Variants in DNER observed in about 807,000 individuals in gnomAD.
DNER encodes the protein delta/notch like EGF repeat containing, also known as delta and Notch-like epidermal growth factor-related receptor.
Under a neutral mutation model 78.2 loss-of-function variants are expected in DNER, and 33 were observed. The observed-to-expected ratio is 0.42, with a 90% CI of 0.32 to 0.56. The LOEUF (loss-of-function observed/expected upper bound fraction) is 0.56, where lower values mean the gene tolerates loss of function less well. Ranked by LOEUF, DNER falls within the 20% of genes least tolerant of loss-of-function variation. The pLI is 0.11. For synonymous variants in DNER, 417 were observed against 384.8 expected, an observed-to-expected ratio of 1.08 and a Z score of -0.98; for missense variants, 918 against 975.3, an observed-to-expected ratio of 0.94 and a Z score of 0.78.
intron 11 of DNER, among the ~76,000 whole-genome samples, chr2:229,368,553 A>G (rs1057249770): frequency 6.6e-6 from 1 of 152,268 alleles, no homozygotes; most frequent in African/African-American, 2.4e-5. Context: ...AACAGGATCT[A>G]CTTGGACAGT....
At chr2:229,403,436 C>T (rs781117961) in intron 10 of DNER, among the ~76,000 whole-genome samples, 18 of 152,164 alleles carry the variant, frequency 1.2e-4, no homozygotes, top group Non-Finnish European at 1.8e-4. Context: ...TGAATCTGCA[C>T]GTGGGATGTA....
At chr2:229,675,061 A>G (rs921129037) in intron 1 of DNER, among the ~76,000 whole-genome samples, 1 of 152,228 alleles carries the variant, frequency 6.6e-6, no homozygotes, top group Non-Finnish European at 1.5e-5. Flanking sequence ...CAGGCAGTGT[A>G]TCTGGGGACT....
chr2:229,428,014 G>T (rs1693918465), intron 8 of DNER, among the ~76,000 whole-genome samples: 1 of 149,920 alleles, frequency 6.7e-6, no homozygotes, highest in Non-Finnish European at 1.5e-5. Flanking sequence ...GGCAGAGGTT[G>T]CAGTGAGCTG....
intron 8 of DNER, among the ~76,000 whole-genome samples, chr2:229,423,488 G>A (rs566998733): frequency 1.1e-4 from 16 of 151,686 alleles, no homozygotes; most frequent in Non-Finnish European, 2.1e-4. Flanking sequence ...GGTGGTGGGC[G>A]CCTGTAATCC....
intron 6 of DNER, among the ~76,000 whole-genome samples, chr2:229,493,743 C>A (rs1419763765): frequency 1.3e-5 from 2 of 152,194 alleles, no homozygotes; most frequent in African/African-American, 4.8e-5. Context: ...TATGGATTGA[C>A]AACTGATCAG....
intron 4 of DNER, among the ~76,000 whole-genome samples, chr2:229,547,918 C>A (rs554500920): frequency 2.0e-5 from 3 of 152,266 alleles, no homozygotes; most frequent in African/African-American, 7.2e-5. Flanking sequence ...AGTATTTTTG[C>A]ATCAAGGATT....
At position 229,714,473 on chromosome 2, in the gene DNER, C is replaced by T. The variant is rs1285837334; in HGVS notation, c.-50G>A. 2.6e-5 allele frequency: 29 copies of T among 1,095,464 alleles called. No homozygotes were observed. Among genetic ancestry groups the T allele is most frequent in the Non-Finnish European group, 3.2e-5 (29 of 903,278 alleles). 67.9% of individuals were successfully genotyped at this position (1,095,464 alleles called of 1,614,324 possible). On this transcript the variant is annotated 5_prime_UTR_variant, in exon 1 of 13. Coordinates refer to ENST00000341772, the MANE Select transcript of DNER (RefSeq NM_139072.4). ...CGGAGCCAGGACGCAGTGACGGCGG[C>T]GGCGGTGGCAGTGGCGACGAGAGCT... is the stretch of plus-strand genomic sequence containing the variant.
chr2:229,403,616 G>T (rs1483093663), intron 10 of DNER, among the ~76,000 whole-genome samples: 3 of 152,148 alleles, frequency 2.0e-5, no homozygotes, highest in Non-Finnish European at 4.4e-5. Context: ...TAGACCACTT[G>T]TTTTCAAAAA....
intron 1 of DNER, among the ~76,000 whole-genome samples, chr2:229,655,883 C>T (rs914796403): frequency 2.6e-5 from 4 of 151,932 alleles, no homozygotes; most frequent in African/African-American, 4.8e-5. Flanking sequence ...GAAAGAAGGC[C>T]GTGTAAAGAC....
At chr2:229,644,485 G>A (rs776954716) in intron 1 of DNER, among the ~76,000 whole-genome samples, 18 of 151,794 alleles carry the variant, frequency 1.2e-4, no homozygotes, top group African/African-American at 2.4e-4. Flanking sequence ...CCAGCTACGC[G>A]GAAGGCACCT....
intron 8 of DNER, among the ~76,000 whole-genome samples, chr2:229,446,955 T>C (rs1381899422): frequency 6.6e-6 from 1 of 152,196 alleles, no homozygotes; most frequent in Non-Finnish European, 1.5e-5. Flanking sequence ...ACAGTGAAAG[T>C]TCTGCAGTGA....
intron 5 of DNER, among the ~76,000 whole-genome samples, chr2:229,519,620 C>T (rs9679608): frequency 0.44 from 67,192 of 151,626 alleles, 15,209 homozygotes; most frequent in South Asian, 0.49. Flanking sequence ...AAGGCTTGAA[C>T]TCACATTGTC....
rs547067817 is a variant in DNER at position 229,446,871 on chromosome 2, G to A, written c.1486+445C>T. Among the ~76,000 whole-genome samples, 161 of 152,308 alleles carry A rather than the reference G, an allele frequency of 1.1e-3. 3 individuals are homozygous for A. The South Asian group carries it at 0.031, about 29-fold the overall frequency. Reference sequence around the variant, plus strand: ...GACACAATTCTGAATGTATTGCACCGTGCTTTTCATGCACGTTAAGATGAA... The same window carrying A: ...GACACAATTCTGAATGTATTGCACCATGCTTTTCATGCACGTTAAGATGAA... On this transcript the variant is annotated intron_variant, in intron 8 of 12. Transcript: ENST00000341772.
At chr2:229,489,789 G>A (rs956928214) in intron 6 of DNER, among the ~76,000 whole-genome samples, 1 of 152,140 alleles carries the variant, frequency 6.6e-6, no homozygotes, top group African/African-American at 2.4e-5. Flanking sequence ...CAGGTGAGAA[G>A]GCTTCTGAAA....
In DNER at chr2:229,461,517, A is replaced by G. The variant is rs35483727; in HGVS notation, c.1262-13977T>C. Among the ~76,000 whole-genome samples the G allele has an allele frequency of 6.7e-3, 1,025 of 152,156 alleles. 7 individuals are homozygous for G. The highest frequency in any genetic ancestry group is 0.01 in the Middle Eastern group (3 of 294). On this transcript the variant is annotated intron_variant, in intron 7 of 12. Coordinates refer to ENST00000341772, the MANE Select transcript of DNER (RefSeq NM_139072.4). ...AACATTCCTGGGTTCAAGCACATTC[A>G]TGGACACATTTAACCTCCAAAATAT...
At chr2:229,638,977 C>T (rs928611532) in intron 1 of DNER, among the ~76,000 whole-genome samples, 2 of 152,162 alleles carry the variant, frequency 1.3e-5, no homozygotes, top group Admixed American at 6.6e-5. Flanking sequence ...TGTCTATGAC[C>T]ACCTGGACTC....
chr2:229,534,321 C>G (rs1046045414), intron 5 of DNER, among the ~76,000 whole-genome samples: 2 of 151,146 alleles, frequency 1.3e-5, no homozygotes, highest in African/African-American at 4.9e-5. Context: ...GGTAACAGAC[C>G]AATAGATTGT....
At chr2:229,550,924 C>G (rs1412059222) in intron 4 of DNER, among the ~76,000 whole-genome samples, 1 of 152,214 alleles carries the variant, frequency 6.6e-6, no homozygotes, top group Non-Finnish European at 1.5e-5. Flanking sequence ...CATGCTGCTT[C>G]TATTGACAAC....
Position 229,473,519 on chromosome 2 carries a change from T to C in DNER, c.1261+3621A>G, listed in dbSNP as rs73998246. On this transcript the variant is annotated intron_variant, in intron 7 of 12. Transcript: ENST00000341772. Reference sequence around the variant, plus strand: ...TATTAACAGTGTGTGCTTCCTAGCATACAATACTAATTTGATTCTCATTGT... The same window carrying C: ...TATTAACAGTGTGTGCTTCCTAGCACACAATACTAATTTGATTCTCATTGT... 4.7e-3 allele frequency among the ~76,000 whole-genome samples: 711 copies of C among 152,354 alleles called. 3 individuals carry two copies. Among genetic ancestry groups the C allele is most frequent in the African/African-American group, 0.016 (659 of 41,576 alleles).
Sources: allele counts gnomAD v4.1 joint callset (sites outside exome capture counted in the v4.1 genomes callset), GRCh38; gene constraint gnomAD v4.1.1; transcripts MANE v1.5; gene names NCBI Gene and HGNC (gene_info 2026-07-23, HGNC 2026-07-21).